MANEA: variants seen among roughly 807,000 people sequenced by gnomAD.
MANEA encodes mannosidase endo-alpha.
A neutral mutation model predicts 36.8 loss-of-function variants in MANEA; 25 were observed. The observed-to-expected ratio is 0.68, with a 90% CI of 0.50 to 0.95. MANEA has a LOEUF of 0.95. MANEA is among the 40% of genes least tolerant of loss of function. The probability of loss-of-function intolerance (pLI) is 0.00; values close to 1 mark genes in which losing one functional copy is unlikely to be tolerated. For missense variants in MANEA, 565 were observed against 558.8 expected (o/e 1.01, Z -0.11); for synonymous variants, 198 against 188.5 (o/e 1.05, Z -0.41).
At chr6:95,583,402 A>G (rs1336491830) in intron 1 of MANEA, among the ~76,000 whole-genome samples, 2 of 152,126 alleles carry the variant, frequency 1.3e-5, no homozygotes, top group Non-Finnish European at 2.9e-5. Flanking sequence ...ACAATATGTA[A>G]ATACACATAT....
At chr6:95,597,366 T>C (rs1238803631) in intron 3 of MANEA, among the ~76,000 whole-genome samples, 1 of 152,032 alleles carries the variant, frequency 6.6e-6, no homozygotes, top group Non-Finnish European at 1.5e-5. Flanking sequence ...CTTCTGACAG[T>C]CTTAAGATTT....
intron 2 of MANEA, among the ~76,000 whole-genome samples, chr6:95,596,460 A>C (rs1769484983): frequency 6.6e-6 from 1 of 151,912 alleles, no homozygotes; most frequent in Non-Finnish European, 1.5e-5. Flanking sequence ...GTATATGAGA[A>C]CTCCATATTT....
rs896670080 is a variant in MANEA at position 95,609,275 on chromosome 6, T to C, written c.*2870T>C. ...ATCAGTCTAATTGTTTTGACTGTTA[T>C]AGAAACCAAATATTTTACTGTTTCT... On this transcript the variant is annotated 3_prime_UTR_variant, in exon 5 of 5. Transcript: ENST00000358812. 2 of 151,812 alleles carry C rather than the reference T, an allele frequency of 1.3e-5. No homozygotes were observed. The highest frequency in any genetic ancestry group is 1.5e-5 in the Non-Finnish European group (1 of 67,722). The allele number at this position is 151,812 out of a possible 1,614,324, so 9.4% of individuals were successfully genotyped here.
chr6:95,604,786 T>C, intron 3 of MANEA, 41 bp from the exon 4 acceptor site: 1 of 783,984 alleles, frequency 1.3e-6, no homozygotes, highest in Non-Finnish European at 2.0e-6. Context: ...TTTTACATTA[T>C]AGATAATTTA....
intron 1 of MANEA, among the ~76,000 whole-genome samples, chr6:95,579,052 TTCA>T (rs1452180927): frequency 2.0e-5 from 3 of 152,134 alleles, no homozygotes; most frequent in Non-Finnish European, 4.4e-5. Context: ...ACTGCTCAGC[TTCA>T]TCATTTGTAA....
intron 2 of MANEA, among the ~76,000 whole-genome samples, chr6:95,591,430 TTCTGATGAGTAG>T (rs1769383476): frequency 6.6e-6 from 1 of 152,128 alleles, no homozygotes; most frequent in African/African-American, 2.4e-5. Context: ...CTTTCATGGT[TTCTGATGAGTAG>T]TCTGCCGTAA....
chr6:95,584,159 A>G (rs1327618782), intron 1 of MANEA, among the ~76,000 whole-genome samples: 1 of 152,204 alleles, frequency 6.6e-6, no homozygotes, highest in East Asian at 1.9e-4. Flanking sequence ...AATTGATTGT[A>G]AAACGTGTGT....
At chr6:95,580,705 A>G (rs1300439154) in intron 1 of MANEA, among the ~76,000 whole-genome samples, 1 of 150,362 alleles carries the variant, frequency 6.7e-6, no homozygotes, top group Middle Eastern at 3.2e-3. Context: ...AGCCTGGGCA[A>G]CAGAGTGAGA....
intron 3 of MANEA, among the ~76,000 whole-genome samples, chr6:95,599,425 A>G (rs1769548281): frequency 6.6e-6 from 1 of 152,048 alleles, no homozygotes; most frequent in South Asian, 2.1e-4. Context: ...TCAAAAAAAA[A>G]AAAAAAAGTG....
intron 1 of MANEA, among the ~76,000 whole-genome samples, chr6:95,584,620 T>C (rs1247391383): frequency 6.6e-6 from 1 of 152,210 alleles, no homozygotes; most frequent in Non-Finnish European, 1.5e-5. Flanking sequence ...TTTCTCCTGT[T>C]TCCCCAGAAG....
intron 3 of MANEA, among the ~76,000 whole-genome samples, chr6:95,601,971 T>G (rs1177104832): frequency 6.6e-6 from 1 of 152,128 alleles, no homozygotes; most frequent in African/African-American, 2.4e-5. Flanking sequence ...AACATGAATA[T>G]AAGTATGTCC....
intron 1 of MANEA, among the ~76,000 whole-genome samples, chr6:95,581,139 A>T (rs1769172246): frequency 6.6e-6 from 1 of 152,202 alleles, no homozygotes; most frequent in South Asian, 2.1e-4. Context: ...TAACTAAAAA[A>T]TGGCACAGCT....
chr6:95,606,686 C>A lies in MANEA; in HGVS notation c.*281C>A. 5.5e-6 allele frequency: 1 copy of A among 182,692 alleles called. No homozygotes were observed. The highest frequency in any genetic ancestry group is 1.3e-4 in the East Asian group (1 of 7,608). 11.3% of individuals were successfully genotyped at this position (182,692 alleles called of 1,614,324 possible). A position where few individuals can be genotyped will look rare whatever the true frequency, so the allele number is the denominator to read the frequency against. On this transcript the variant is annotated 3_prime_UTR_variant, in exon 5 of 5. Transcript: ENST00000358812. Reference sequence around the variant, plus strand: ...TCTGATTTGATGGCAATTGAATTTTCATTTTACAATAGATAAATGCTTGTG... The same window carrying A: ...TCTGATTTGATGGCAATTGAATTTTAATTTTACAATAGATAAATGCTTGTG...
rs1478084004 is a variant in MANEA, at chr6:95,586,696, C to T, written c.257C>T (p.Ser86Phe). Residue 86 changes from serine (S) to phenylalanine (F), a missense_variant, in exon 2 of 5, where the codon TCC (serine) becomes TTC (phenylalanine). Transcript: ENST00000358812. Reference sequence around the variant, plus strand: ...AGTGTTGAAATCACTATGAAACCTTCCAAAGCCTCTGAACTTAACTTGGAT... The same window carrying T: ...AGTGTTGAAATCACTATGAAACCTTTCAAAGCCTCTGAACTTAACTTGGAT... Reference protein sequence around the residue: ...LKSVEITMKPSKASELNLDEL... With the variant: ...LKSVEITMKPFKASELNLDEL... 1 of 1,613,962 alleles carries T rather than the reference C, an allele frequency of 6.2e-7. No homozygotes were observed. The highest frequency in any genetic ancestry group is 8.5e-7 in the Non-Finnish European group (1 of 1,179,948).
In MANEA at chr6:95,608,414, A is replaced by G. The variant is rs551678781; in HGVS notation, c.*2009A>G. On this transcript the variant is annotated 3_prime_UTR_variant, in exon 5 of 5. Coordinates refer to ENST00000358812, the MANE Select transcript of MANEA (RefSeq NM_024641.4). ...AAATCTATAAAAACAAGGTTAGCAT[A>G]TTCTCAACACAGATACCACCACTTT... 1.3e-5 allele frequency: 2 copies of G among 152,004 alleles called. No homozygotes were observed. The highest frequency in any genetic ancestry group is 1.3e-4 in the Admixed American group (2 of 15,264). The allele number at this position is 152,004 out of a possible 1,614,324, so 9.4% of individuals were successfully genotyped here. A position where few individuals can be genotyped will look rare whatever the true frequency, so the allele number is the denominator to read the frequency against.
intron 1 of MANEA, among the ~76,000 whole-genome samples, chr6:95,581,005 G>A (rs1180444385): frequency 6.6e-6 from 1 of 152,104 alleles, no homozygotes; most frequent in Non-Finnish European, 1.5e-5. Flanking sequence ...TAAGCCACAT[G>A]ATTTTGAGAG....
rs369326645 is a variant in MANEA, at chr6:95,605,891, A to G, written c.875A>G (p.Asn292Ser). The G allele has an allele frequency of 2.3e-5, 37 of 1,614,080 alleles. No individual in the cohort carries two copies. The highest frequency in any genetic ancestry group is 3.3e-4 in the Middle Eastern group (2 of 6,062). Residue 292 changes from asparagine (N) to serine (S), a missense_variant, in exon 5 of 5, where the codon AAT becomes AGT. Coordinates refer to ENST00000358812, the MANE Select transcript of MANEA (RefSeq NM_024641.4). The part of the protein sequence containing the change: ...LTTSGSRSIR[N>S]SPYDGLFIAL... ...ACCTCAGGGTCTCGGAGTATTCGCA[A>G]TTCTCCTTATGATGGACTGTTTATT... is the stretch of plus-strand genomic sequence containing the variant.
At chr6:95,601,475 C>G (rs1428430673) in intron 3 of MANEA, among the ~76,000 whole-genome samples, 2 of 152,086 alleles carry the variant, frequency 1.3e-5, no homozygotes, top group Non-Finnish European at 2.9e-5. Context: ...CTCTTATTCT[C>G]TTTTATAAGA....
At position 95,608,341 on chromosome 6, in the gene MANEA, C is replaced by T. The variant is rs770309888; in HGVS notation, c.*1936C>T. 1.3e-5 allele frequency: 2 copies of T among 151,726 alleles called. No individual in the cohort carries two copies. The highest frequency in any genetic ancestry group is 3.0e-5 in the Non-Finnish European group (2 of 67,776). The allele number at this position is 151,726 out of a possible 1,614,324, so 9.4% of individuals were successfully genotyped here. ...ATTGTGTACGTTGTGTATTTGAACC[C>T]ACCATGACAGAAAGTAAATTTTAGG... is the stretch of plus-strand genomic sequence containing the variant. On this transcript the variant is annotated 3_prime_UTR_variant, in exon 5 of 5. Coordinates refer to ENST00000358812, the MANE Select transcript of MANEA (RefSeq NM_024641.4).
Sources: gnomAD v4.1 joint callset for allele counts (sites outside exome capture counted in the v4.1 genomes callset) on GRCh38, gnomAD v4.1.1 for gene constraint, MANE v1.5 for transcripts, NCBI Gene and HGNC (gene_info 2026-07-23, HGNC 2026-07-21) for gene names.